Variants in STXBP5L observed in about 807,000 individuals in gnomAD.
The protein encoded by STXBP5L is syntaxin-binding protein 5-like.
A neutral mutation model predicts 144.5 loss-of-function variants in STXBP5L; 65 were observed. That is an observed-to-expected ratio of 0.45 (90% CI 0.37 to 0.55). The LOEUF (loss-of-function observed/expected upper bound fraction) is 0.55. STXBP5L is among the 20% of genes least tolerant of loss of function. The pLI is 0.00. For synonymous variants in STXBP5L, 505 were observed against 469.6 expected, an observed-to-expected ratio of 1.08 and a Z score of -0.97; for missense variants, 1,298 against 1,405.5, an observed-to-expected ratio of 0.92 and a Z score of 1.22.
intron 3 of STXBP5L, among the ~76,000 whole-genome samples, chr3:121,014,874 T>G (rs553146765): frequency 1.3e-5 from 2 of 152,216 alleles, no homozygotes; most frequent in South Asian, 4.1e-4. Flanking sequence ...TTTTATGTGA[T>G]ATGAGTAATA....
At chr3:121,225,941 TG>T (rs2049109749) in intron 11 of STXBP5L, among the ~76,000 whole-genome samples, 1 of 152,216 alleles carries the variant, frequency 6.6e-6, no homozygotes, top group Non-Finnish European at 1.5e-5. Context: ...GCCATGGCTA[TG>T]GCCTGTTGAC....
At chr3:121,092,047 G>C (rs537977895) in intron 5 of STXBP5L, among the ~76,000 whole-genome samples, 2 of 152,082 alleles carry the variant, frequency 1.3e-5, no homozygotes, top group Non-Finnish European at 2.9e-5. Flanking sequence ...TTTCCCCATT[G>C]CTTGTTTTTC....
chr3:121,043,446 C>T (rs1314403406), intron 4 of STXBP5L, among the ~76,000 whole-genome samples: 3 of 151,196 alleles, frequency 2.0e-5, no homozygotes, highest in African/African-American at 7.3e-5. Flanking sequence ...CGCGGTGGCT[C>T]ACGCCTGTAA....
intron 23 of STXBP5L, among the ~76,000 whole-genome samples, chr3:121,412,619 G>C (rs562339823): frequency 1.4e-5 from 2 of 145,206 alleles, no homozygotes; most frequent in African/African-American, 5.1e-5. Flanking sequence ...ATCTCTTAAA[G>C]TTTAAGTGGT....
In STXBP5L at chr3:120,971,335, C is replaced by A. The variant is rs191798483; in HGVS notation, c.287+16298C>A. ...TTGTACCCGTCACCCAAGTAGTGTA[C>A]ATTGTACTCAGTAGGTACTATTTTA... On this transcript the variant is annotated intron_variant, in intron 3 of 26. Transcript: ENST00000471454. 2.0e-4 allele frequency among the ~76,000 whole-genome samples: 30 copies of A among 151,992 alleles called. No homozygotes were observed. The East Asian group carries it at 5.2e-3, about 26-fold the overall frequency.
At chr3:121,391,816 C>A (rs1456504830) in intron 22 of STXBP5L, among the ~76,000 whole-genome samples, 1 of 152,166 alleles carries the variant, frequency 6.6e-6, no homozygotes, top group Non-Finnish European at 1.5e-5. Flanking sequence ...AGGTGCCTGG[C>A]TGCCCCTACT....
At chr3:121,377,032 C>G (rs1413859064) in intron 20 of STXBP5L, among the ~76,000 whole-genome samples, 4 of 152,022 alleles carry the variant, frequency 2.6e-5, no homozygotes, top group African/African-American at 9.7e-5. Flanking sequence ...GTCTGTTTGT[C>G]TATTATTGGT....
intron 20 of STXBP5L, among the ~76,000 whole-genome samples, chr3:121,345,253 T>C (rs1310781366): frequency 6.6e-6 from 1 of 152,062 alleles, no homozygotes; most frequent in Admixed American, 6.6e-5. Flanking sequence ...AGTGAGAACA[T>C]GCAGTGTTTG....
intron 3 of STXBP5L, among the ~76,000 whole-genome samples, chr3:120,995,802 A>G (rs1943302118): frequency 6.6e-6 from 1 of 152,150 alleles, no homozygotes; most frequent in Admixed American, 6.6e-5. Flanking sequence ...ACTAATAAGA[A>G]TTAGAATAGT....
intron 7 of STXBP5L, among the ~76,000 whole-genome samples, chr3:121,142,011 G>C (rs1206444329): frequency 6.6e-6 from 1 of 152,006 alleles, no homozygotes; most frequent in African/African-American, 2.4e-5. Flanking sequence ...ACCATATGCT[G>C]TCTACAGTAA....
intron 14 of STXBP5L, among the ~76,000 whole-genome samples, chr3:121,242,339 G>T (rs2049698296): frequency 6.6e-6 from 1 of 152,120 alleles, no homozygotes; most frequent in South Asian, 2.1e-4. Context: ...GTCTGGTGTG[G>T]TTCTAAATGT....
chr3:120,967,023 GC>G (rs1363691072), intron 3 of STXBP5L, among the ~76,000 whole-genome samples: 1 of 152,050 alleles, frequency 6.6e-6, no homozygotes, highest in Non-Finnish European at 1.5e-5. Flanking sequence ...CCTTCCCCTA[GC>G]CAGGCTGCCG....
intron 19 of STXBP5L, among the ~76,000 whole-genome samples, chr3:121,290,637 C>T (rs1191769242): frequency 1.3e-5 from 2 of 152,074 alleles, no homozygotes; most frequent in Non-Finnish European, 2.9e-5. Context: ...CCCTGGTGAA[C>T]GTACGTGCAA....
At chr3:121,143,508 G>T (rs1306440662) in intron 7 of STXBP5L, among the ~76,000 whole-genome samples, 1 of 151,770 alleles carries the variant, frequency 6.6e-6, no homozygotes, top group Non-Finnish European at 1.5e-5. Context: ...TCTCTGAAGT[G>T]CAAGGATGAT....
At chr3:120,919,442 T>G (rs1157378485) in intron 2 of STXBP5L, among the ~76,000 whole-genome samples, 1 of 151,978 alleles carries the variant, frequency 6.6e-6, no homozygotes, top group African/African-American at 2.4e-5. Flanking sequence ...AGGAACACAT[T>G]TTGATGTATT....
chr3:121,365,422 ATT>A (rs34860613), intron 20 of STXBP5L, among the ~76,000 whole-genome samples: 14 of 150,706 alleles, frequency 9.3e-5, no homozygotes, highest in African/African-American at 7.3e-5. Flanking sequence ...TAATCAGAAG[ATT>A]TTTTTTTGTT....
At chr3:120,983,039 G>T (rs541046828) in intron 3 of STXBP5L, among the ~76,000 whole-genome samples, 1 of 152,324 alleles carries the variant, frequency 6.6e-6, no homozygotes, top group South Asian at 2.1e-4. Context: ...TTGAGCAGTG[G>T]AGGCAGGCAG....
At chr3:121,318,592 G>C (rs779174178) in intron 20 of STXBP5L, 52 bp downstream of exon 20, 21 of 1,211,032 alleles carry the variant, frequency 1.7e-5, no homozygotes, top group Non-Finnish European at 2.4e-5. Flanking sequence ...GCAGTAATCT[G>C]TTGCTTTATT....
At chr3:121,288,787 G>A (rs1428594906) in intron 19 of STXBP5L, among the ~76,000 whole-genome samples, 2 of 152,092 alleles carry the variant, frequency 1.3e-5, no homozygotes, top group Non-Finnish European at 2.9e-5. Context: ...TATCCTGAAG[G>A]TTGTCTGTAT....
Sources: allele counts gnomAD v4.1 joint callset (sites outside exome capture counted in the v4.1 genomes callset), GRCh38; gene constraint gnomAD v4.1.1; transcripts MANE v1.5; gene names NCBI Gene and HGNC (gene_info 2026-07-23, HGNC 2026-07-21).